The following EPHX3 variants were observed in gnomAD, a reference collection of about 807,000 sequenced individuals.
EPHX3 encodes the protein abhydrolase domain containing 9.
In EPHX3, 39 loss-of-function variants were observed where a neutral mutation model predicts 40.2. The ratio of observed to expected loss-of-function variants is 0.97; its 90% CI spans 0.75 to 1.27. The LOEUF (loss-of-function observed/expected upper bound fraction) is 1.27. Ranked by LOEUF, EPHX3 falls within the 50% of genes most tolerant of loss-of-function variation. The pLI is 0.00. For synonymous variants in EPHX3, 213 were observed against 209.7 expected, an observed-to-expected ratio of 1.02 and a Z score of -0.14; for missense variants, 442 against 474.0, an observed-to-expected ratio of 0.93 and a Z score of 0.63.
upstream of EPHX3, chr19:15,232,464 G>T: frequency 7.6e-7 from 1 of 1,321,280 alleles, no homozygotes; most frequent in Non-Finnish European, 9.6e-7. Flanking sequence ...GCGGAGGCTG[G>T]GGAGGAAGAG....
Position 15,230,938 on chromosome 19 carries a change from A to AG in EPHX3, c.616+23dup, listed in dbSNP as rs779452988. 4.3e-6 allele frequency: 7 copies of AG among 1,612,286 alleles called. No individual in the cohort carries two copies. The African/African-American group carries it at 8.0e-5, about 18-fold the overall frequency. On this transcript the variant is annotated intron_variant, in intron 4 of 6. Coordinates refer to ENST00000221730, the MANE Select transcript of EPHX3 (RefSeq NM_024794.3). ...GCCCCCTTGCACATAAGTACATCCCAGTGTCCCGGACTCCCACACACACCT... is the reference window on the plus strand; with the variant it reads ...GCCCCCTTGCACATAAGTACATCCCAGGTGTCCCGGACTCCCACACACACCT...
At position 15,231,958 on chromosome 19, in the gene EPHX3, C is replaced by T. The variant is rs530459442; in HGVS notation, c.243+11G>A. 1.2e-6 allele frequency: 2 copies of T among 1,612,350 alleles called. No homozygotes were observed. The highest frequency in any genetic ancestry group is 3.3e-5 in the Admixed American group (2 of 60,002). On this transcript the variant is annotated intron_variant, in intron 1 of 6. Transcript: ENST00000221730. ...GACCCCGCAGCCCCGATAGCGCCCC[C>T]GTGCGATCACCTTGAGGTTCAGGAA...
chr19:15,235,006 TTTTG>T (rs1226984435), upstream of EPHX3, among the ~76,000 whole-genome samples: 1 of 152,150 alleles, frequency 6.6e-6, no homozygotes, highest in African/African-American at 2.4e-5. Context: ...GTTTTTTTGT[TTTTG>T]TTTTTTTTGA....
In EPHX3 at chr19:15,227,212, GT is replaced by G. The variant is rs1568370628; in HGVS notation, c.*224del. On this transcript the variant is annotated 3_prime_UTR_variant, in exon 7 of 7. Transcript: ENST00000221730. ...TATACCCAGTTCCCAGGGTCAAAGTGTTTGTTACACACACATGCATCCATGC... is the reference window on the plus strand; with the variant it reads ...TATACCCAGTTCCCAGGGTCAAAGTGTTGTTACACACACATGCATCCATGC... The G allele has an allele frequency of 3.7e-6, 2 of 542,162 alleles. No homozygotes were observed. Among genetic ancestry groups the G allele is most frequent in the Non-Finnish European group, 6.6e-6 (2 of 303,444 alleles). The allele number at this position is 542,162 out of a possible 1,614,324, so 33.6% of individuals were successfully genotyped here. A position where few individuals can be genotyped will look rare whatever the true frequency, so the allele number is the denominator to read the frequency against.
intron 3 of EPHX3, 38 bp downstream of exon 3, chr19:15,231,201 T>G (rs761171167): frequency 6.2e-7 from 1 of 1,613,218 alleles, no homozygotes; most frequent in African/African-American, 1.3e-5. Context: ...GTGTGCAGGA[T>G]GAGGGAGGCC....
chr19:15,227,828 T>C lies in EPHX3; in HGVS notation c.800A>G (p.Asn267Ser). ...TPSELEAFLY[N>S]FSQPGGLTGP... ...AGTGAGGCCACCAGGCTGTGAGAAG[T>C]TATAAAGGAAGGCCTCGAGCTCGCT... Residue 267 changes from asparagine (N) to serine (S), a missense_variant, in exon 6 of 7, where the codon AAC becomes AGC. Asn to Ser is a conservative substitution (Grantham distance 46). Coordinates refer to ENST00000221730, the MANE Select transcript of EPHX3 (RefSeq NM_024794.3). The C allele has an allele frequency of 6.2e-7, 1 of 1,613,150 alleles. No homozygotes were observed. Among genetic ancestry groups the C allele is most frequent in the Non-Finnish European group, 8.5e-7 (1 of 1,179,882 alleles).
chr19:15,232,250 G>T lies in EPHX3; in HGVS notation c.-39C>A. ...GGGACCACGGCGGCGCTGCCGGCCA[G>T]GGGCACCTGCAGCAGCGGCGAAGCG... On this transcript the variant is annotated 5_prime_UTR_variant, in exon 1 of 7. The change creates a new upstream start codon in the 5' untranslated region. Transcript: ENST00000221730. 2 of 1,449,980 alleles carry T rather than the reference G, an allele frequency of 1.4e-6. No homozygotes were observed. The highest frequency in any genetic ancestry group is 1.4e-5 in the South Asian group (1 of 71,636). 89.8% of individuals were successfully genotyped at this position (1,449,980 alleles called of 1,614,324 possible).
chr19:15,231,463 T>A (rs1483700069), intron 2 of EPHX3, 67 bp from the exon 3 acceptor site: 1 of 1,552,330 alleles, frequency 6.4e-7, no homozygotes, highest in Non-Finnish European at 8.7e-7. Flanking sequence ...CCTACGCACA[T>A]CAGCAACCAT....
At chr19:15,228,503 A>ATTTTTTTTTTT (rs780716729) in intron 4 of EPHX3, among the ~76,000 whole-genome samples, 1 of 62,700 alleles carries the variant, frequency 1.6e-5, no homozygotes, top group Non-Finnish European at 2.7e-5. Flanking sequence ...TGTATCTATA[A>ATTTTTTTTTTT]TTTTTTTTTT....
chr19:15,231,178 C>T (rs540549600), intron 3 of EPHX3, 61 bp downstream of exon 3: 165 of 1,611,520 alleles, frequency 1.0e-4, no homozygotes, highest in Admixed American at 2.0e-4. Flanking sequence ...AAGGAGAAAG[C>T]GGGGGTATGC....
At chr19:15,228,740 C>G (rs1331923101) in intron 4 of EPHX3, among the ~76,000 whole-genome samples, 2 of 151,586 alleles carry the variant, frequency 1.3e-5, no homozygotes, top group Non-Finnish European at 2.9e-5. Flanking sequence ...AGGATGGTCT[C>G]GATCTCCGGA....
rs554130324 is a variant in EPHX3, at chr19:15,231,832, C to T, written c.273G>A (p.Ser91=). ...TGAGGGGTCCGTTACCTCGTCCAGC[C>T]GAGACATAGTGCAGACGCAGGCCCG... ...KSSGLRLHYV[S]AGRGNGPLML... is the part of the protein sequence containing the mutation. Residue 91 remains serine (S), a synonymous_variant, in exon 2 of 7, where the codon TCG becomes TCA. Transcript: ENST00000221730. 2 of 1,613,960 alleles carry T rather than the reference C, an allele frequency of 1.2e-6. No individual in the cohort carries two copies. The highest frequency in any genetic ancestry group is 1.7e-5 in the Admixed American group (1 of 60,034).
In EPHX3 at chr19:15,231,949, T is replaced by C. The variant is rs1415425694; in HGVS notation, c.243+20A>G. 1.2e-6 allele frequency: 2 copies of C among 1,612,466 alleles called. No homozygotes were observed. Among genetic ancestry groups the C allele is most frequent in the South Asian group, 1.1e-5 (1 of 91,046 alleles). On this transcript the variant is annotated intron_variant, in intron 1 of 6. Transcript: ENST00000221730. ...ACCCCACGCGACCCCGCAGCCCCGA[T>C]AGCGCCCCCGTGCGATCACCTTGAG... is the stretch of plus-strand genomic sequence containing the variant.
chr19:15,227,294 T>C lies in EPHX3; in HGVS notation c.*143A>G. 1.4e-6 allele frequency: 1 copy of C among 690,128 alleles called. No homozygotes were observed. The highest frequency in any genetic ancestry group is 1.8e-5 in the South Asian group (1 of 56,144). 42.8% of individuals were successfully genotyped at this position (690,128 alleles called of 1,614,324 possible). On this transcript the variant is annotated 3_prime_UTR_variant, in exon 7 of 7. Coordinates refer to ENST00000221730, the MANE Select transcript of EPHX3 (RefSeq NM_024794.3). ...CGAGGCACCCATAGGTGCGCTTGTGTGGGATCCAGGAGTCCCATGCCTATG... is the reference window on the plus strand; with the variant it reads ...CGAGGCACCCATAGGTGCGCTTGTGCGGGATCCAGGAGTCCCATGCCTATG...
Position 15,231,233 on chromosome 19 carries a change from C to G in EPHX3, c.487+6G>C, listed in dbSNP as rs757202119. The G allele has an allele frequency of 6.2e-7, 1 of 1,613,888 alleles. No individual in the cohort carries two copies. Among genetic ancestry groups the G allele is most frequent in the South Asian group, 1.1e-5 (1 of 91,072 alleles). ...GGCCACGCCTAGGATGGGGGTATGT[C>G]TGCACCCAGGCCTAGGATGACATCT... On this transcript the variant is annotated splice_donor_region_variant and intron_variant, in intron 3 of 6. Transcript: ENST00000221730.
intron 2 of EPHX3, 36 bp downstream of exon 2, chr19:15,231,740 G>A: frequency 6.2e-7 from 1 of 1,608,226 alleles, no homozygotes; most frequent in Non-Finnish European, 8.5e-7. Flanking sequence ...CTGCCCCCGA[G>A]TCCCGTGGGC....
chr19:15,228,789 G>T (rs532407361), intron 4 of EPHX3, among the ~76,000 whole-genome samples: 1 of 151,804 alleles, frequency 6.6e-6, no homozygotes, highest in African/African-American at 2.4e-5. Flanking sequence ...AAAGTTCTGG[G>T]ATTACAGACG....
chr19:15,231,421 G>T (rs1031650557), intron 2 of EPHX3, 25 bp from the exon 3 acceptor site: 2 of 1,610,270 alleles, frequency 1.2e-6, no homozygotes, highest in South Asian at 1.1e-5. Flanking sequence ...AGGGAGGGAG[G>T]CTGAGTCAGG....
chr19:15,231,939 G>A (rs1337224078), intron 1 of EPHX3, 30 bp downstream of exon 1: 1 of 1,612,416 alleles, frequency 6.2e-7, no homozygotes, highest in Admixed American at 1.7e-5. Flanking sequence ...ACGCGACCCC[G>A]CAGCCCCGAT....
Sources: allele counts gnomAD v4.1 joint callset (sites outside exome capture counted in the v4.1 genomes callset), GRCh38; gene constraint gnomAD v4.1.1; transcripts MANE v1.5; gene names NCBI Gene and HGNC (gene_info 2026-07-23, HGNC 2026-07-21).